The following OTC variants were observed in gnomAD, a reference collection of about 807,000 sequenced individuals.
OTC encodes the protein ornithine transcarbamylase, mitochondrial.
OTC carries 3 observed loss-of-function variants against 30.3 expected under a neutral mutation model. That is an observed-to-expected ratio of 0.10 (90% CI 0.05 to 0.26). The LOEUF (loss-of-function observed/expected upper bound fraction) is 0.26. Ranked by LOEUF, OTC falls within the 10% of genes least tolerant of loss-of-function variation. The probability of loss-of-function intolerance (pLI) is 1.00; values close to 1 mark genes in which losing one functional copy is unlikely to be tolerated. For synonymous variants in OTC, 111 were observed against 99.7 expected, an observed-to-expected ratio of 1.11 and a Z score of -0.67; for missense variants, 194 against 260.3, an observed-to-expected ratio of 0.75 and a Z score of 1.75.
chrX:38,361,265 G>A (rs183262557), intron 1 of OTC, among the ~76,000 whole-genome samples: 1,490 of 109,920 alleles, frequency 0.014, 10 homozygotes, highest in Non-Finnish European at 0.022. Flanking sequence ...AGATTGCGCC[G>A]CTGCGCTCCA....
the OTC span, among the ~76,000 whole-genome samples, chrX:38,338,273 C>T: frequency 1.2e-4 from 13 of 112,327 alleles, no homozygotes; most frequent in Non-Finnish European, 2.3e-4. Context: ...AAATAGCCAC[C>T]TCATCAGCTG....
intron 9 of OTC, among the ~76,000 whole-genome samples, chrX:38,415,631 T>G (rs1021095933): frequency 9.1e-6 from 1 of 110,383 alleles, no homozygotes; most frequent in Non-Finnish European, 1.9e-5. Flanking sequence ...GACAGGGGGA[T>G]TACTTGAGGT....
intron 5 of OTC, among the ~76,000 whole-genome samples, chrX:38,402,746 T>G (rs1233439248): frequency 9.0e-6 from 1 of 111,594 alleles, no homozygotes; most frequent in African/African-American, 3.3e-5. Context: ...AATATGTTAT[T>G]ATCCTGATGT....
intron 1 of OTC, among the ~76,000 whole-genome samples, chrX:38,360,020 C>T (rs1396396899): frequency 2.8e-5 from 3 of 106,829 alleles, no homozygotes; most frequent in Admixed American, 1.0e-4. Context: ...CGGGTTTCAG[C>T]GATTCTCCTG....
At chrX:38,394,930 C>T (rs777009097) in intron 4 of OTC, among the ~76,000 whole-genome samples, 15 of 109,846 alleles carry the variant, frequency 1.4e-4, no homozygotes, top group African/African-American at 4.3e-4. Flanking sequence ...GTAATTGGTA[C>T]GTGAAGGAAG....
chrX:38,350,256 T>C (rs1268014719), upstream of OTC, among the ~76,000 whole-genome samples: 3 of 111,134 alleles, frequency 2.7e-5, no homozygotes, highest in African/African-American at 9.8e-5. Context: ...TTCCAAATGG[T>C]GAATATTGGA....
At chrX:38,412,573 C>T (rs1424026876) in intron 9 of OTC, among the ~76,000 whole-genome samples, 1 of 112,275 alleles carries the variant, frequency 8.9e-6, no homozygotes, top group Non-Finnish European at 1.9e-5. Context: ...ATCTTCATCA[C>T]TGTCATTCTA....
At chrX:38,407,240 T>C in intron 6 of OTC, among the ~76,000 whole-genome samples, 1 of 112,488 alleles carries the variant, frequency 8.9e-6, no homozygotes, top group South Asian at 3.7e-4. Flanking sequence ...CAATCAGCCA[T>C]TGAATGTGGG....
chrX:38,378,208 G>A lies in OTC; in HGVS notation c.299-3134G>A, dbSNP rs184248418. 4.6e-3 allele frequency among the ~76,000 whole-genome samples: 448 copies of A among 97,058 alleles called. 4 individuals carry two copies. The highest frequency in any genetic ancestry group is 0.016 in the African/African-American group (426 of 26,061). 84.3% of individuals were successfully genotyped at this position (97,058 alleles called of 115,157 possible). ...TTGCACATGCTCTTCCCACTATCTC[G>A]TATGTTTTCTATGGTTCACCTATCC... On this transcript the variant is annotated intron_variant, in intron 3 of 9. Coordinates refer to ENST00000039007, the MANE Select transcript of OTC (RefSeq NM_000531.6).
intron 9 of OTC, among the ~76,000 whole-genome samples, chrX:38,412,923 A>G (rs1311278478): frequency 8.9e-6 from 1 of 112,193 alleles, no homozygotes; most frequent in African/African-American, 3.2e-5. Context: ...CCACTGACAC[A>G]GCCTGGTACC....
In OTC at chrX:38,395,677, A is replaced by G. The variant is rs547399247; in HGVS notation, c.387-5598A>G. 2.0e-5 allele frequency: 3 copies of G among 151,740 alleles called. No homozygotes were observed. The South Asian group carries it at 5.3e-4, about 27-fold the overall frequency. The allele number at this position is 151,740 out of a possible 1,213,427, so 12.5% of individuals were successfully genotyped here. A position where few individuals can be genotyped will look rare whatever the true frequency, so the allele number is the denominator to read the frequency against. On this transcript the variant is annotated intron_variant, in intron 4 of 9. Transcript: ENST00000039007. ...CCAGCGTGCAGGTTCCCCCATTTGG[A>G]CAGCAGGTTCTGTTTTGTTCCTTAC...
At chrX:38,372,570 AAAT>A (rs2068328402) in intron 3 of OTC, among the ~76,000 whole-genome samples, 1 of 112,350 alleles carries the variant, frequency 8.9e-6, no homozygotes, top group Non-Finnish European at 1.9e-5. Flanking sequence ...CCCAAATCGT[AAAT>A]AATAACAACA....
intron 1 of OTC, among the ~76,000 whole-genome samples, chrX:38,363,846 C>T (rs1036645265): frequency 1.8e-5 from 2 of 111,148 alleles, no homozygotes; most frequent in Non-Finnish European, 3.8e-5. Flanking sequence ...GGTTCTTTGC[C>T]GGGCGTGGTG....
chrX:38,378,715 C>T (rs1326865841), intron 3 of OTC, among the ~76,000 whole-genome samples: 1 of 112,334 alleles, frequency 8.9e-6, no homozygotes, highest in African/African-American at 3.2e-5. Flanking sequence ...ACTCCACAGA[C>T]ATGAGATGTG....
chrX:38,380,869 C>T (rs2068372539), intron 3 of OTC, among the ~76,000 whole-genome samples: 3 of 111,567 alleles, frequency 2.7e-5, no homozygotes, highest in Middle Eastern at 9.3e-3. Flanking sequence ...GCTGGGATTA[C>T]AGGCGCCTGC....
At chrX:38,407,980 C>T (rs983067183) in intron 6 of OTC, among the ~76,000 whole-genome samples, 1 of 111,507 alleles carries the variant, frequency 9.0e-6, no homozygotes, top group African/African-American at 3.3e-5. Context: ...GCTGAGCAAG[C>T]GAGGCACCTA....
chrX:38,348,545 T>TTTC (rs1361237158), upstream of OTC, among the ~76,000 whole-genome samples: 1 of 102,665 alleles, frequency 9.7e-6, no homozygotes, highest in Non-Finnish European at 2.0e-5. Flanking sequence ...TTTTTTCTTT[T>TTTC]TTTTTTTTTG....
chrX:38,339,539 T>C, the OTC span, among the ~76,000 whole-genome samples: 1 of 108,267 alleles, frequency 9.2e-6, no homozygotes, highest in Non-Finnish European at 1.9e-5. Context: ...TTTTTTTTTT[T>C]TTTTTTGCTC....
chrX:38,344,248 C>T, the OTC span, among the ~76,000 whole-genome samples: 4 of 109,198 alleles, frequency 3.7e-5, no homozygotes, highest in African/African-American at 1.3e-4. Context: ...TATACACACA[C>T]ACACACACAC....
Sources: gnomAD v4.1 joint callset for allele counts (sites outside exome capture counted in the v4.1 genomes callset) on GRCh38, gnomAD v4.1.1 for gene constraint, MANE v1.5 for transcripts, NCBI Gene and HGNC (gene_info 2026-07-23, HGNC 2026-07-21) for gene names.